Variants in STK25 observed in about 807,000 individuals in gnomAD.
The protein encoded by STK25 is serine/threonine kinase 25, also known as serine/threonine-protein kinase 25.
STK25 carries 29 observed loss-of-function variants against 53.8 expected under a neutral mutation model. The observed-to-expected ratio is 0.54, with a 90% CI of 0.40 to 0.74. The LOEUF (loss-of-function observed/expected upper bound fraction) is 0.74. STK25 is among the 30% of genes least tolerant of loss of function. The pLI, the probability that STK25 is intolerant of heterozygous loss-of-function variation, is 0.00. For missense variants in STK25, 420 were observed against 568.0 expected (o/e 0.74, Z 2.65); for synonymous variants, 247 against 238.3 (o/e 1.04, Z -0.33).
At chr2:241,500,910 G>T in intron 3 of STK25, 114 bp from the exon 4 acceptor site, 2 of 1,003,368 alleles carry the variant, frequency 2.0e-6, no homozygotes, top group Non-Finnish European at 3.0e-6. Context: ...TCCCATCCCT[G>T]CCAAGAACCC....
At chr2:241,508,359 T>G in intron 1 of STK25, 84 bp downstream of exon 1, 1 of 1,114,878 alleles carries the variant, frequency 9.0e-7, no homozygotes. Context: ...CGCCCCGGTG[T>G]CCCCGCCACC....
chr2:241,496,606 CCA>C lies in STK25; in HGVS notation c.1105-74_1105-73del. On this transcript the variant is annotated intron_variant, in intron 10 of 11. Coordinates refer to ENST00000316586, the MANE Select transcript of STK25 (RefSeq NM_001271977.2). This position sits in a 1 kb window ranked among gnomAD's most constrained non-coding sequence, Gnocchi z 5.8. ...TCAGGGAGCCTGCTCCTTTGCTCGG[CCA>C]CAGTGATGCCGGAGGCCTTCAGGGC... is the stretch of plus-strand genomic sequence containing the variant. 2 of 1,546,524 alleles carry C rather than the reference CCA, an allele frequency of 1.3e-6. No homozygotes were observed. Among genetic ancestry groups the C allele is most frequent in the African/African-American group, 1.4e-5 (1 of 73,670 alleles).
At chr2:241,507,015 T>C (rs1574968912) in intron 2 of STK25, among the ~76,000 whole-genome samples, 1 of 152,048 alleles carries the variant, frequency 6.6e-6, no homozygotes. Context: ...TGACTCCAGT[T>C]CCTGCCCCTA....
At chr2:241,505,083 A>AC (rs1454336064) in intron 2 of STK25, among the ~76,000 whole-genome samples, 1 of 144,364 alleles carries the variant, frequency 6.9e-6, no homozygotes, top group African/African-American at 2.6e-5. Context: ...TGCCCCGTTA[A>AC]TTTTTTTTTT....
rs2065071151 is a variant in STK25 at position 241,495,009 on chromosome 2, C to T, written c.*653G>A. 1 of 152,282 alleles carries T rather than the reference C, an allele frequency of 6.6e-6. No homozygotes were observed. Among genetic ancestry groups the T allele is most frequent in the Non-Finnish European group, 1.5e-5 (1 of 68,128 alleles). 9.4% of individuals were successfully genotyped at this position (152,282 alleles called of 1,614,324 possible). On this transcript the variant is annotated 3_prime_UTR_variant, in exon 12 of 12. Transcript: ENST00000316586. ...CGCATGGCCCGGGCCCCACCACACACACCTGCATGTCTCCAAGTCAGGTCT... is the reference window on the plus strand; with the variant it reads ...CGCATGGCCCGGGCCCCACCACACATACCTGCATGTCTCCAAGTCAGGTCT...
At chr2:241,498,166 G>A in intron 9 of STK25, 69 bp downstream of exon 9, 1 of 1,423,822 alleles carries the variant, frequency 7.0e-7, no homozygotes. Flanking sequence ...GACAAAGCTG[G>A]GTCCCGCATC....
intron 4 of STK25, 131 bp from the exon 5 acceptor site, chr2:241,500,412 A>T: frequency 4.5e-6 from 3 of 665,836 alleles, no homozygotes; most frequent in Non-Finnish European, 7.8e-6. Flanking sequence ...TACTTCCCAA[A>T]CAGAACTAAG....
Position 241,493,690 on chromosome 2 carries a change from GTT to G in STK25, c.*1970_*1971del, listed in dbSNP as rs1298164820. On this transcript the variant is annotated 3_prime_UTR_variant, in exon 12 of 12. Transcript: ENST00000316586. ...GCTCACTATAACCTGCACCTCCAGG[GTT>G]CAAGCGATTCTTCTGCCTCAGCCTC... is the stretch of plus-strand genomic sequence containing the variant. 1.8e-6 allele frequency: 1 copy of G among 541,500 alleles called. No individual in the cohort carries two copies. Among genetic ancestry groups the G allele is most frequent in the Non-Finnish European group, 3.3e-6 (1 of 303,986 alleles). 33.5% of individuals were successfully genotyped at this position (541,500 alleles called of 1,614,324 possible).
At chr2:241,506,726 C>T (rs2065853569) in intron 2 of STK25, among the ~76,000 whole-genome samples, 1 of 152,102 alleles carries the variant, frequency 6.6e-6, no homozygotes, top group African/African-American at 2.4e-5. Flanking sequence ...GAGATTGCAC[C>T]ATTGCACTCC....
chr2:241,508,351 C>T, intron 1 of STK25, 92 bp downstream of exon 1: 2 of 1,155,086 alleles, frequency 1.7e-6, no homozygotes, highest in South Asian at 5.6e-5. Flanking sequence ...GGTGCCCCCG[C>T]CCCGGTGTCC....
chr2:241,508,384 G>GT, intron 1 of STK25, 59 bp downstream of exon 1: 1 of 1,113,570 alleles, frequency 9.0e-7, no homozygotes, highest in East Asian at 6.3e-5. Context: ...CCCGCCCCGG[G>GT]CCCCTCCCTC....
At chr2:241,504,278 G>A (rs968724501) in intron 2 of STK25, among the ~76,000 whole-genome samples, 1 of 152,166 alleles carries the variant, frequency 6.6e-6, no homozygotes, top group African/African-American at 2.4e-5. Context: ...ACAGCTGGTC[G>A]AGTCAAAAGT....
In STK25 at chr2:241,492,992, G is replaced by A. The variant is rs753153835; in HGVS notation, c.*2670C>T. ...CAGTCATGGCTGGCAGAAGCTCTGGGTCGTCTTTACCAACTTCTGTTTGTT... is the reference window on the plus strand; with the variant it reads ...CAGTCATGGCTGGCAGAAGCTCTGGATCGTCTTTACCAACTTCTGTTTGTT... On this transcript the variant is annotated 3_prime_UTR_variant, in exon 12 of 12. Transcript: ENST00000316586. 1.2e-6 allele frequency: 2 copies of A among 1,612,582 alleles called. No individual in the cohort carries two copies. Among genetic ancestry groups the A allele is most frequent in the Non-Finnish European group, 1.7e-6 (2 of 1,178,638 alleles).
intron 2 of STK25, among the ~76,000 whole-genome samples, chr2:241,507,323 C>T (rs966391381): frequency 6.6e-6 from 1 of 152,208 alleles, no homozygotes; most frequent in African/African-American, 2.4e-5. Flanking sequence ...AAGGGCTCGC[C>T]GTAGTGGCTC....
intron 2 of STK25, among the ~76,000 whole-genome samples, chr2:241,503,696 CAAAAAAAAAAA>C (rs60021706): frequency 2.6e-4 from 26 of 100,270 alleles, no homozygotes; most frequent in Admixed American, 4.3e-4. Context: ...GACTCCGTCT[CAAAAAAAAAAA>C]AAAAAAAAAA....
Position 241,493,184 on chromosome 2 carries a change from C to A in STK25, c.*2478G>T. 7.4e-7 allele frequency: 1 copy of A among 1,354,212 alleles called. No individual in the cohort carries two copies. Among genetic ancestry groups the A allele is most frequent in the Non-Finnish European group, 1.0e-6 (1 of 961,480 alleles). 83.9% of individuals were successfully genotyped at this position (1,354,212 alleles called of 1,614,324 possible). Reference sequence around the variant, plus strand: ...CTGTGTGAACAGGGAAACTGGCTCCCTTGGCCCGTGGGCATTTGTACGTGC... The same window carrying A: ...CTGTGTGAACAGGGAAACTGGCTCCATTGGCCCGTGGGCATTTGTACGTGC... On this transcript the variant is annotated 3_prime_UTR_variant, in exon 12 of 12. Coordinates refer to ENST00000316586, the MANE Select transcript of STK25 (RefSeq NM_001271977.2).
intron 8 of STK25, 35 bp downstream of exon 8, chr2:241,498,603 AC>A (rs1416304741): frequency 5.0e-6 from 8 of 1,596,318 alleles, no homozygotes; most frequent in Non-Finnish European, 6.8e-6. Flanking sequence ...ACGTCACAGC[AC>A]CTAGGGTCAC....
chr2:241,499,216 G>C (rs1335900486), intron 6 of STK25, 41 bp downstream of exon 6: 1 of 1,613,758 alleles, frequency 6.2e-7, no homozygotes, highest in Non-Finnish European at 8.5e-7. Context: ...GAGCACCCGA[G>C]CCAGGCATGG....
At position 241,501,512 on chromosome 2, in the gene STK25, G is replaced by C; in HGVS notation, c.227C>G (p.Pro76Arg). ...EITVLSQCDS[P>R]YITRYFGSYL... Reference sequence around the variant, plus strand: ...GGAGCCAAAGTAGCGGGTGATGTAGGGGCTGTCGCACTGACTGAGGACAGT... The same window carrying C: ...GGAGCCAAAGTAGCGGGTGATGTAGCGGCTGTCGCACTGACTGAGGACAGT... The change falls in exon 3 of 12, where the codon CCC (proline) becomes CGC (arginine). Residue 76 changes from proline (P) to arginine (R), a missense_variant. Physicochemically the swap from Pro to Arg is moderately radical, Grantham distance 103. Coordinates refer to ENST00000316586, the MANE Select transcript of STK25 (RefSeq NM_001271977.2). This position sits in a 1 kb window ranked among gnomAD's most constrained non-coding sequence, Gnocchi z 5.3. 2 of 1,614,088 alleles carry C rather than the reference G, an allele frequency of 1.2e-6. No homozygotes were observed. The highest frequency in any genetic ancestry group is 1.7e-6 in the Non-Finnish European group (2 of 1,180,016).
Sources: allele counts gnomAD v4.1 joint callset (sites outside exome capture counted in the v4.1 genomes callset), GRCh38; gene constraint gnomAD v4.1.1; non-coding constraint Gnocchi (gnomAD v3.1); transcripts MANE v1.5; gene names NCBI Gene and HGNC (gene_info 2026-07-23, HGNC 2026-07-21).